VSTM2L: variants seen among roughly 807,000 people sequenced by gnomAD.
VSTM2L encodes the protein V-set and transmembrane domain containing 2 like, also known as V-set and transmembrane domain-containing protein 2-like protein.
A neutral mutation model predicts 19.9 loss-of-function variants in VSTM2L; 9 were observed. The observed-to-expected ratio is 0.45, with a 90% confidence interval of 0.27 to 0.79. The LOEUF is 0.79. Among genes scored for constraint, VSTM2L ranks in the 30% least tolerant of loss-of-function variants. The probability of loss-of-function intolerance (pLI) is 0.15; values close to 1 mark genes in which losing one functional copy is unlikely to be tolerated. For missense variants in VSTM2L, 286 were observed against 295.5 expected (o/e 0.97, Z 0.24); for synonymous variants, 127 against 133.8 (o/e 0.95, Z 0.35).
At chr20:37,932,459 G>A (rs935205010) in intron 2 of VSTM2L, among the ~76,000 whole-genome samples, 2 of 152,146 alleles carry the variant, frequency 1.3e-5, no homozygotes, top group Admixed American at 1.3e-4. Context: ...AGGCAAGCAG[G>A]AGGAGCAGGG....
intron 1 of VSTM2L, among the ~76,000 whole-genome samples, chr20:37,906,356 G>C (rs938868992): frequency 6.6e-6 from 1 of 152,214 alleles, no homozygotes; most frequent in African/African-American, 2.4e-5. Flanking sequence ...CTGGGAGGTG[G>C]GGTGGTGATG....
chr20:37,929,738 A>G (rs1163265869), intron 1 of VSTM2L, among the ~76,000 whole-genome samples: 1 of 152,066 alleles, frequency 6.6e-6, no homozygotes, highest in Non-Finnish European at 1.5e-5. Flanking sequence ...AGAAGGGGCC[A>G]GATTCTGGAG....
At chr20:37,938,306 G>C (rs993905445) in intron 3 of VSTM2L, among the ~76,000 whole-genome samples, 2 of 152,208 alleles carry the variant, frequency 1.3e-5, no homozygotes, top group Non-Finnish European at 2.9e-5. Flanking sequence ...GCCTTCTGGG[G>C]CCCAGGTCTG....
In VSTM2L at chr20:37,933,395, A is replaced by G. The variant is rs1240219938; in HGVS notation, c.292-144A>G. ...GAAAGGGACCCCAACTCCAGACTCC[A>G]TGGCCCCCGAGCCTCATCTGCTGTC... On this transcript the variant is annotated intron_variant, in intron 2 of 3. Coordinates refer to ENST00000373461, the MANE Select transcript of VSTM2L (RefSeq NM_080607.3). The G allele has an allele frequency of 7.6e-6, 5 of 660,474 alleles. No individual in the cohort carries two copies. In the East Asian group the frequency reaches 8.4e-5, roughly 11 times the overall value. The allele number at this position is 660,474 out of a possible 1,614,324, so 40.9% of individuals were successfully genotyped here.
chr20:37,931,569 C>T (rs1447832051), intron 1 of VSTM2L, 66 bp from the exon 2 acceptor site: 1 of 1,542,722 alleles, frequency 6.5e-7, no homozygotes, highest in African/African-American at 1.4e-5. Flanking sequence ...ACGTTCTCCA[C>T]CTCCTTCACC....
At position 37,931,832 on chromosome 20, in the gene VSTM2L, T is replaced by C. The variant is rs752323822; in HGVS notation, c.291+28T>C. On this transcript the variant is annotated intron_variant, in intron 2 of 3. Transcript: ENST00000373461. ...AATGCCCCTGGGGAGATGCCCAAGC[T>C]GGGCTGGGGAAGTCCTGGTCCCTGG... 13 of 1,605,178 alleles carry C rather than the reference T, an allele frequency of 8.1e-6. No homozygotes were observed. In the Admixed American group the frequency reaches 1.9e-4, roughly 23 times the overall value.
At chr20:37,915,486 C>G (rs976865332) in intron 1 of VSTM2L, among the ~76,000 whole-genome samples, 3 of 151,986 alleles carry the variant, frequency 2.0e-5, no homozygotes, top group South Asian at 2.1e-4. Context: ...AGCCAGGCTA[C>G]GTGAGGAGGT....
At position 37,944,160 on chromosome 20, in the gene VSTM2L, C is replaced by T. The variant is rs530661755; in HGVS notation, c.522C>T (p.Pro174=). Residue 174 remains proline, a synonymous_variant, in exon 4 of 4, where the codon CCC becomes CCT. Coordinates refer to ENST00000373461, the MANE Select transcript of VSTM2L (RefSeq NM_080607.3). ...QPGENSVLHL[P]EAPPAAPAPP... The stretch of plus-strand genomic sequence containing the variant: ...GGGAGAACTCCGTCCTGCATCTGCC[C>T]GAAGCCCCTCCCGCCGCGCCCGCCC... 1.9e-6 allele frequency: 3 copies of T among 1,575,352 alleles called. No individual in the cohort carries two copies. Among genetic ancestry groups the T allele is most frequent in the South Asian group, 2.3e-5 (2 of 87,178 alleles).
intron 1 of VSTM2L, among the ~76,000 whole-genome samples, chr20:37,923,762 C>T (rs542420757): frequency 1.2e-4 from 19 of 152,070 alleles, no homozygotes; most frequent in South Asian, 6.2e-4. Flanking sequence ...GGTAGGGGGC[C>T]GGGTTACAGG....
chr20:37,922,891 G>A (rs2072859971), intron 1 of VSTM2L, among the ~76,000 whole-genome samples: 1 of 151,590 alleles, frequency 6.6e-6, no homozygotes, highest in Admixed American at 6.6e-5. Flanking sequence ...TGGGTGAGGG[G>A]CTGCAGGGCC....
At chr20:37,916,292 C>T (rs567890856) in intron 1 of VSTM2L, among the ~76,000 whole-genome samples, 1 of 152,310 alleles carries the variant, frequency 6.6e-6, no homozygotes, top group South Asian at 2.1e-4. Flanking sequence ...GCTCCCGGCT[C>T]CTGGCTCCCT....
intron 1 of VSTM2L, among the ~76,000 whole-genome samples, chr20:37,916,353 T>C (rs556604031): frequency 6.6e-6 from 1 of 152,170 alleles, no homozygotes; most frequent in Admixed American, 6.5e-5. Context: ...CGCGCTTGCC[T>C]CCCTCCCTCC....
chr20:37,928,278 C>T (rs2072889467), intron 1 of VSTM2L, among the ~76,000 whole-genome samples: 1 of 152,182 alleles, frequency 6.6e-6, no homozygotes, highest in Non-Finnish European at 1.5e-5. Flanking sequence ...ACTAGAATCA[C>T]CTCTTCGGCT....
At chr20:37,928,367 G>A (rs775098301) in intron 1 of VSTM2L, among the ~76,000 whole-genome samples, 6 of 152,190 alleles carry the variant, frequency 3.9e-5, no homozygotes, top group South Asian at 2.1e-4. Context: ...CTCCAAGGGC[G>A]AGACCTGCCC....
At chr20:37,903,549 G>C in intron 1 of VSTM2L, 78 bp downstream of exon 1, 2 of 1,331,212 alleles carry the variant, frequency 1.5e-6, no homozygotes, top group South Asian at 1.9e-5. Flanking sequence ...TGGCCGCCCC[G>C]GGGCTCGAAC....
intron 3 of VSTM2L, 36 bp from the exon 4 acceptor site, chr20:37,943,945 T>A: frequency 2.6e-6 from 1 of 391,480 alleles, no homozygotes; most frequent in African/African-American, 3.0e-5. Context: ...CCACTGTCAC[T>A]GGATGGACAG....
At chr20:37,917,095 C>T (rs184995798) in intron 1 of VSTM2L, among the ~76,000 whole-genome samples, 2 of 152,230 alleles carry the variant, frequency 1.3e-5, no homozygotes, top group East Asian at 1.9e-4. Flanking sequence ...GGGCGGATCA[C>T]GAGGTCAGGA....
Position 37,944,679 on chromosome 20 carries a change from C to T in VSTM2L, c.*426C>T. 1 of 1,000,486 alleles carries T rather than the reference C, an allele frequency of 1.0e-6. No individual in the cohort carries two copies. The highest frequency in any genetic ancestry group is 4.7e-5 in the South Asian group (1 of 21,446). 62.0% of individuals were successfully genotyped at this position (1,000,486 alleles called of 1,614,324 possible). A position where few individuals can be genotyped will look rare whatever the true frequency, so the allele number is the denominator to read the frequency against. On this transcript the variant is annotated 3_prime_UTR_variant, in exon 4 of 4. Transcript: ENST00000373461. ...CCTCACTTGGACCTGGGGGTGTGGA[C>T]AGTGACCCCTCCCTGAATATGGACT...
chr20:37,922,685 G>A (rs1201677609), intron 1 of VSTM2L, among the ~76,000 whole-genome samples: 1 of 152,226 alleles, frequency 6.6e-6, no homozygotes, highest in Non-Finnish European at 1.5e-5. Context: ...GAAGGGCAGG[G>A]AGGGCTGTGC....
Sources: allele counts gnomAD v4.1 joint callset (sites outside exome capture counted in the v4.1 genomes callset), GRCh38; gene constraint gnomAD v4.1.1; transcripts MANE v1.5; gene names NCBI Gene and HGNC (gene_info 2026-07-23, HGNC 2026-07-21).